Variants in FTCDNL1 observed in about 807,000 individuals in gnomAD.
The protein encoded by FTCDNL1 is formiminotransferase N-terminal subdomain-containing protein.
In FTCDNL1, 11 loss-of-function variants were observed where a neutral mutation model predicts 5.9. The ratio of observed to expected loss-of-function variants is 1.87; its 90% CI spans 1.18 to 3.10. The LOEUF (loss-of-function observed/expected upper bound fraction) is 3.10, where lower values mean the gene tolerates loss of function less well. FTCDNL1 is among the 30% of genes most tolerant of loss of function. FTCDNL1 has a pLI of 0.00. For synonymous variants in FTCDNL1, 58 were observed against 24.8 expected (o/e 2.34, Z -3.99); for missense variants, 115 against 65.5 (o/e 1.76, Z -2.61).
downstream of FTCDNL1, among the ~76,000 whole-genome samples, chr2:199,759,555 T>C (rs1698189549): frequency 6.6e-6 from 1 of 152,128 alleles, no homozygotes; most frequent in Non-Finnish European, 1.5e-5. Flanking sequence ...AGTCTTGGTG[T>C]GAAAATCAGG....
At chr2:199,845,738 C>G (rs952567439) in intron 3 of FTCDNL1, among the ~76,000 whole-genome samples, 1 of 151,280 alleles carries the variant, frequency 6.6e-6, no homozygotes, top group Non-Finnish European at 1.5e-5. Flanking sequence ...GCCAGCTTAG[C>G]AGTGAAATGA....
chr2:199,671,333 C>T, the FTCDNL1 span, among the ~76,000 whole-genome samples: 1 of 151,954 alleles, frequency 6.6e-6, no homozygotes, highest in East Asian at 1.9e-4. Context: ...AGGGAGAGTT[C>T]TTGGAAGCCA....
chr2:199,748,427 A>G, the FTCDNL1 span, among the ~76,000 whole-genome samples: 2 of 152,202 alleles, frequency 1.3e-5, no homozygotes, highest in African/African-American at 2.4e-5. Flanking sequence ...CCCCTCAAGT[A>G]AAAGGTAAAC....
Position 199,811,490 on chromosome 2 carries a change from A to G in FTCDNL1, c.*1215T>C, listed in dbSNP as rs1701033176. ...ATATAACACTGGGGGTTACATCAGC[A>G]TGACTATTCAAAATCCTTACCAGGC... On this transcript the variant is annotated 3_prime_UTR_variant, in exon 5 of 5. Coordinates refer to ENST00000420128, the MANE Select transcript of FTCDNL1 (RefSeq NM_001363886.2). Among the ~76,000 whole-genome samples, 1 of 152,234 alleles carries G rather than the reference A, an allele frequency of 6.6e-6. No individual in the cohort carries two copies. Among genetic ancestry groups the G allele is most frequent in the East Asian group, 1.9e-4 (1 of 5,206 alleles).
At chr2:199,703,219 C>T in the FTCDNL1 span, among the ~76,000 whole-genome samples, 1 of 151,392 alleles carries the variant, frequency 6.6e-6, no homozygotes, top group South Asian at 2.1e-4. Flanking sequence ...CCCCACCCCA[C>T]AACAGTCCCC....
the FTCDNL1 span, among the ~76,000 whole-genome samples, chr2:199,745,942 C>T: frequency 6.6e-6 from 1 of 152,128 alleles, no homozygotes; most frequent in Non-Finnish European, 1.5e-5. Flanking sequence ...TTGAAAAGAC[C>T]TAAAAGCCAA....
the FTCDNL1 span, among the ~76,000 whole-genome samples, chr2:199,679,636 A>G: frequency 6.7e-6 from 1 of 149,468 alleles, no homozygotes; most frequent in Non-Finnish European, 1.5e-5. Context: ...CTTTTTTTTT[A>G]TTTTATTTTT....
intron 3 of FTCDNL1, among the ~76,000 whole-genome samples, chr2:199,761,515 TCCCACCTGG>T (rs1267601817): frequency 6.6e-6 from 1 of 152,180 alleles, no homozygotes; most frequent in Non-Finnish European, 1.5e-5. Context: ...AGTACATGCC[TCCCACCTGG>T]CCCATCTGTT....
the FTCDNL1 span, among the ~76,000 whole-genome samples, chr2:199,671,700 TTGAC>T: frequency 6.6e-6 from 1 of 152,098 alleles, no homozygotes; most frequent in East Asian, 1.9e-4. Context: ...CTCTTCCAGA[TTGAC>T]TGAGCTGGGA....
chr2:199,680,689 A>G, the FTCDNL1 span, among the ~76,000 whole-genome samples: 2 of 152,232 alleles, frequency 1.3e-5, no homozygotes, highest in South Asian at 2.1e-4. Flanking sequence ...CATGGGCCGC[A>G]TCAGACACTC....
chr2:199,703,944 A>T, the FTCDNL1 span, among the ~76,000 whole-genome samples: 18,244 of 152,156 alleles, frequency 0.12, 1,477 homozygotes, highest in Middle Eastern at 0.25. Flanking sequence ...AGGTCTACGG[A>T]GTAGGCTTTA....
chr2:199,721,087 C>T, the FTCDNL1 span, among the ~76,000 whole-genome samples: 1 of 152,106 alleles, frequency 6.6e-6, no homozygotes, highest in African/African-American at 2.4e-5. Flanking sequence ...AAATTATCTG[C>T]CGCTTGTCTC....
intron 3 of FTCDNL1, among the ~76,000 whole-genome samples, chr2:199,772,903 G>A (rs1245497744): frequency 6.6e-6 from 1 of 152,182 alleles, no homozygotes; most frequent in Non-Finnish European, 1.5e-5. Context: ...AATTAGCTGT[G>A]TTCATTGGCT....
At chr2:199,819,995 T>C (rs926488600) in intron 3 of FTCDNL1, among the ~76,000 whole-genome samples, 1 of 152,202 alleles carries the variant, frequency 6.6e-6, no homozygotes, top group African/African-American at 2.4e-5. Context: ...GAATGCTCCA[T>C]TGAAGTTAGT....
intron 3 of FTCDNL1, among the ~76,000 whole-genome samples, chr2:199,803,275 G>A (rs1271897001): frequency 1.3e-5 from 2 of 151,670 alleles, no homozygotes; most frequent in African/African-American, 4.8e-5. Context: ...CCTAAGATCT[G>A]GAAGAAGTCT....
rs565850781 is a variant in FTCDNL1, at chr2:199,826,368, G to C, written c.212-6611C>G. Among the ~76,000 whole-genome samples, 99 of 149,920 alleles carry C rather than the reference G, an allele frequency of 6.6e-4. 2 individuals carry two copies. The highest frequency in any genetic ancestry group is 2.4e-3 in the African/African-American group (99 of 40,770). On this transcript the variant is annotated intron_variant, in intron 3 of 4. Transcript: ENST00000420128. The stretch of plus-strand genomic sequence containing the variant: ...TCTGCTCCTTAATAGCTATTTGGGA[G>C]ATCTTGAACAATTTACTTTACATTT...
At chr2:199,688,682 A>G in the FTCDNL1 span, among the ~76,000 whole-genome samples, 1 of 152,168 alleles carries the variant, frequency 6.6e-6, no homozygotes, top group Non-Finnish European at 1.5e-5. Flanking sequence ...CCTTGCTTTG[A>G]GAAAGATTCA....
chr2:199,792,283 A>C (rs185131331), intron 3 of FTCDNL1, among the ~76,000 whole-genome samples: 17 of 152,322 alleles, frequency 1.1e-4, no homozygotes, highest in Non-Finnish European at 1.8e-4. Flanking sequence ...AATTGATACT[A>C]GATTTTAAAG....
the FTCDNL1 span, among the ~76,000 whole-genome samples, chr2:199,750,478 A>T: frequency 6.6e-6 from 1 of 152,202 alleles, no homozygotes; most frequent in Non-Finnish European, 1.5e-5. Context: ...AGGGGGGAAA[A>T]GGTTGTTTCC....
Sources: gnomAD v4.1 joint callset for allele counts (sites outside exome capture counted in the v4.1 genomes callset) on GRCh38, gnomAD v4.1.1 for gene constraint, MANE v1.5 for transcripts, NCBI Gene and HGNC (gene_info 2026-07-23, HGNC 2026-07-21) for gene names.